The following MAPT variants were observed in gnomAD, a reference collection of about 807,000 sequenced individuals.
MAPT encodes the protein microtubule associated protein tau.
Under a neutral mutation model 67.9 loss-of-function variants are expected in MAPT, and 34 were observed. The observed-to-expected ratio is 0.50, with a 90% CI of 0.38 to 0.67. The LOEUF (loss-of-function observed/expected upper bound fraction) is 0.67, where lower values mean the gene tolerates loss of function less well. Among genes scored for constraint, MAPT ranks in the 30% least tolerant of loss-of-function variants. MAPT has a pLI of 0.00. For missense variants in MAPT, 881 were observed against 1,115.2 expected, an observed-to-expected ratio of 0.79 and a Z score of 2.99; for synonymous variants, 456 against 464.5, an observed-to-expected ratio of 0.98 and a Z score of 0.23.
Position 46,021,294 on chromosome 17 carries a change from G to C in MAPT, c.2286+2564G>C, listed in dbSNP as rs114406096. On this transcript the variant is annotated intron_variant, in intron 12 of 12. Transcript: ENST00000262410. Reference sequence around the variant, plus strand: ...GGGTCGCTATCCAAAGTGAGAAAACGAGGAGGGACCAGGAGGCTGTCCGCC... The same window carrying C: ...GGGTCGCTATCCAAAGTGAGAAAACCAGGAGGGACCAGGAGGCTGTCCGCC... 4.3e-3 allele frequency among the ~76,000 whole-genome samples: 648 copies of C among 152,326 alleles called. 6 individuals carry two copies. The highest frequency in any genetic ancestry group is 0.014 in the African/African-American group (602 of 41,576).
intron 1 of MAPT, among the ~76,000 whole-genome samples, chr17:45,921,657 A>G (rs2065729041): frequency 6.6e-6 from 1 of 152,200 alleles, no homozygotes; most frequent in African/African-American, 2.4e-5. Flanking sequence ...TAAATCAGAA[A>G]TCGTATTTCC....
intron 7 of MAPT, among the ~76,000 whole-genome samples, chr17:45,990,893 T>C (rs775008709): frequency 9.9e-5 from 15 of 152,196 alleles, no homozygotes; most frequent in Admixed American, 2.0e-4. Flanking sequence ...GCTTTGTCAG[T>C]GATGCTGGTG....
At chr17:45,960,794 C>T (rs1156510599) in intron 1 of MAPT, among the ~76,000 whole-genome samples, 3 of 150,656 alleles carry the variant, frequency 2.0e-5, no homozygotes, top group East Asian at 4.0e-4. Context: ...TCCCCACTCC[C>T]CCAAAGAAAA....
chr17:45,999,494 C>T, intron 9 of MAPT: 1 of 1,613,996 alleles, frequency 6.2e-7, no homozygotes, highest in African/African-American at 1.3e-5. Flanking sequence ...GGTGTGGGCA[C>T]CATTTGGCCC....
At chr17:45,972,150 T>C in intron 3 of MAPT, 2 of 692,500 alleles carry the variant, frequency 2.9e-6, no homozygotes, top group Non-Finnish European at 5.3e-6. Context: ...TCATCCCGTG[T>C]GTGCTCTGGA....
chr17:45,947,085 A>C (rs2068583309), intron 1 of MAPT, among the ~76,000 whole-genome samples: 1 of 151,884 alleles, frequency 6.6e-6, no homozygotes, highest in Admixed American at 6.6e-5. Context: ...TGGGTCTTTC[A>C]TTAGTAGTAG....
At chr17:45,965,851 G>C (rs2071022868) in intron 2 of MAPT, among the ~76,000 whole-genome samples, 1 of 152,186 alleles carries the variant, frequency 6.6e-6, no homozygotes, top group Admixed American at 6.5e-5. Flanking sequence ...GCACTCTACT[G>C]TTGGCAGCAG....
At chr17:45,981,917 G>A (rs761032702) in intron 4 of MAPT, among the ~76,000 whole-genome samples, 4 of 151,758 alleles carry the variant, frequency 2.6e-5, no homozygotes, top group Non-Finnish European at 5.9e-5. Flanking sequence ...CTGCTTGGGA[G>A]GGTGAGATGG....
chr17:45,933,567 C>T (rs1440987081), intron 1 of MAPT, among the ~76,000 whole-genome samples: 1 of 151,134 alleles, frequency 6.6e-6, no homozygotes, highest in Non-Finnish European at 1.5e-5. Context: ...AGAGACAGTC[C>T]AGCCCCTTAT....
intron 9 of MAPT, among the ~76,000 whole-genome samples, chr17:46,006,157 A>G (rs1211970305): frequency 6.6e-6 from 1 of 152,252 alleles, no homozygotes; most frequent in Non-Finnish European, 1.5e-5. Flanking sequence ...TTGCAGGGCT[A>G]TTCACAATAG....
chr17:45,987,250 A>G (rs534682588), intron 6 of MAPT, among the ~76,000 whole-genome samples, 155 bp downstream of exon 6: 6 of 152,200 alleles, frequency 3.9e-5, no homozygotes, highest in Non-Finnish European at 8.8e-5. Context: ...CAGGCTTTTA[A>G]AAAGTCCAGC....
chr17:46,009,557 TG>T (rs1042095210), intron 9 of MAPT, among the ~76,000 whole-genome samples: 3 of 151,604 alleles, frequency 2.0e-5, no homozygotes, highest in African/African-American at 7.2e-5. Context: ...AGTGGCATTG[TG>T]GGTGGGAGAG....
chr17:46,001,195 C>A (rs1450982834), intron 9 of MAPT, among the ~76,000 whole-genome samples: 1 of 152,056 alleles, frequency 6.6e-6, no homozygotes, highest in Admixed American at 6.6e-5. Context: ...CACCACTGAA[C>A]GCCAGCCTGG....
chr17:46,006,947 A>G (rs2075474179), intron 9 of MAPT, among the ~76,000 whole-genome samples: 1 of 144,240 alleles, frequency 6.9e-6, no homozygotes, highest in Admixed American at 7.2e-5. Context: ...AAAATAAAAT[A>G]AAATAATAAA....
chr17:45,934,977 G>A (rs17650335), intron 1 of MAPT, among the ~76,000 whole-genome samples: 21,789 of 152,000 alleles, frequency 0.14, 2,135 homozygotes, highest in Middle Eastern at 0.22. Context: ...TTCTGTTTAG[G>A]TAATTATATG....
At chr17:45,919,913 A>AAAAC (rs901129137) in intron 1 of MAPT, among the ~76,000 whole-genome samples, 14 of 152,278 alleles carry the variant, frequency 9.2e-5, no homozygotes, top group African/African-American at 2.4e-4. Flanking sequence ...ATCCTGTCTC[A>AAAAC]AAACAAACAA....
intron 1 of MAPT, among the ~76,000 whole-genome samples, chr17:45,960,543 T>C (rs188331333): frequency 6.6e-6 from 1 of 152,386 alleles, no homozygotes; most frequent in East Asian, 1.9e-4. Context: ...CAGTAATCGT[T>C]TCTGGGCAGA....
At chr17:45,930,882 A>C (rs2144680622) in intron 1 of MAPT, among the ~76,000 whole-genome samples, 1 of 152,280 alleles carries the variant, frequency 6.6e-6, no homozygotes, top group South Asian at 2.1e-4. Context: ...CGCTGCTGCA[A>C]GGGCCGGCCT....
intron 9 of MAPT, among the ~76,000 whole-genome samples, chr17:46,005,909 C>T (rs1332567974): frequency 2.0e-5 from 3 of 152,196 alleles, no homozygotes; most frequent in Non-Finnish European, 2.9e-5. Flanking sequence ...TGGCTACAAA[C>T]TCTGAGATCT....
Sources: gnomAD v4.1 joint callset for allele counts (sites outside exome capture counted in the v4.1 genomes callset) on GRCh38, gnomAD v4.1.1 for gene constraint, MANE v1.5 for transcripts, NCBI Gene and HGNC (gene_info 2026-07-23, HGNC 2026-07-21) for gene names.